The following CSMD3 variants were observed in gnomAD, a reference collection of about 807,000 sequenced individuals.
The protein encoded by CSMD3 is CUB and Sushi multiple domains 3, also known as CUB and sushi domain-containing protein 3.
A neutral mutation model predicts 435.2 loss-of-function variants in CSMD3; 177 were observed. The ratio of observed to expected loss-of-function variants is 0.41; its 90% CI spans 0.36 to 0.46. The LOEUF (loss-of-function observed/expected upper bound fraction) is 0.46. CSMD3 is among the 20% of genes least tolerant of loss of function. The pLI is 0.34. For synonymous variants in CSMD3, 1,656 were observed against 1,520.5 expected, an observed-to-expected ratio of 1.09 and a Z score of -2.07; for missense variants, 4,265 against 4,504.6, an observed-to-expected ratio of 0.95 and a Z score of 1.52.
chr8:112,418,943 T>A (rs1586261505), intron 32 of CSMD3, among the ~76,000 whole-genome samples: 1 of 152,170 alleles, frequency 6.6e-6, no homozygotes, highest in East Asian at 1.9e-4. Context: ...AAGAAGTATA[T>A]GAAACATAAA....
At chr8:113,162,583 A>AC (rs2092065340) in intron 4 of CSMD3, among the ~76,000 whole-genome samples, 1 of 151,756 alleles carries the variant, frequency 6.6e-6, no homozygotes, top group African/African-American at 2.4e-5. Context: ...AAAAAAAAAA[A>AC]AAAAAAAAAA....
intron 30 of CSMD3, among the ~76,000 whole-genome samples, chr8:112,499,486 T>C (rs1469994309): frequency 6.6e-6 from 1 of 152,066 alleles, no homozygotes; most frequent in Non-Finnish European, 1.5e-5. Context: ...ACTCATTAGA[T>C]GATACAAATT....
At position 112,859,913 on chromosome 8, in the gene CSMD3, G is replaced by T. The variant is rs895924209; in HGVS notation, c.1634-647C>A. Among the ~76,000 whole-genome samples, 4 of 151,702 alleles carry T rather than the reference G, an allele frequency of 2.6e-5. 1 individual carries two copies. The highest frequency in any genetic ancestry group is 6.6e-5 in the Admixed American group (1 of 15,206). ...GCTTCTTGATGACCACAAATTTCTGGATGCCACTGCTTTTGATTTGGATAT... is the reference window on the plus strand; with the variant it reads ...GCTTCTTGATGACCACAAATTTCTGTATGCCACTGCTTTTGATTTGGATAT... On this transcript the variant is annotated intron_variant, in intron 10 of 70. Coordinates refer to ENST00000297405, the MANE Select transcript of CSMD3 (RefSeq NM_198123.2).
intron 13 of CSMD3, among the ~76,000 whole-genome samples, chr8:112,765,721 T>C (rs1036150749): frequency 6.6e-6 from 1 of 151,778 alleles, no homozygotes; most frequent in Non-Finnish European, 1.5e-5. Flanking sequence ...CAATTTTTCA[T>C]TGGAAAACAT....
chr8:112,556,637 T>C (rs1412529414), intron 25 of CSMD3, 126 bp downstream of exon 25: 9 of 698,982 alleles, frequency 1.3e-5, no homozygotes, highest in South Asian at 3.6e-5. Flanking sequence ...ATTCAAGCTA[T>C]GAGTTCATTA....
chr8:112,813,912 G>C (rs950728768), intron 12 of CSMD3, among the ~76,000 whole-genome samples: 1 of 152,188 alleles, frequency 6.6e-6, no homozygotes, highest in Non-Finnish European at 1.5e-5. Flanking sequence ...GAAAGGCCAG[G>C]CTCCACCCCC....
At chr8:112,884,485 T>C (rs2081534687) in intron 10 of CSMD3, among the ~76,000 whole-genome samples, 1 of 151,798 alleles carries the variant, frequency 6.6e-6, no homozygotes, top group Non-Finnish European at 1.5e-5. Flanking sequence ...TATAGAGGGA[T>C]GTCTTGTGCA....
At position 113,260,143 on chromosome 8, in the gene CSMD3, C is replaced by T. The variant is rs748436377; in HGVS notation, c.514+18449G>A. On this transcript the variant is annotated intron_variant, in intron 3 of 70. Transcript: ENST00000297405. The stretch of plus-strand genomic sequence containing the variant: ...AACTGTGAGTCAACTAAACCTCTTT[C>T]CTTTATAAGTTACCCAGTCTCAGGT... 5.5e-4 allele frequency among the ~76,000 whole-genome samples: 84 copies of T among 152,236 alleles called. 1 individual carries two copies. Among genetic ancestry groups the T allele is most frequent in the Non-Finnish European group, 9.6e-4 (65 of 68,000 alleles).
At chr8:112,643,868 T>C (rs936714973) in intron 20 of CSMD3, among the ~76,000 whole-genome samples, 1 of 152,104 alleles carries the variant, frequency 6.6e-6, no homozygotes, top group Non-Finnish European at 1.5e-5. Flanking sequence ...TGATAAAATA[T>C]ATATGTAATT....
At chr8:112,927,037 C>A (rs1375758616) in intron 9 of CSMD3, among the ~76,000 whole-genome samples, 1 of 151,996 alleles carries the variant, frequency 6.6e-6, no homozygotes, top group Admixed American at 6.6e-5. Context: ...GCAAAAAAAT[C>A]AAAACACTAA....
At chr8:113,114,396 A>G (rs1433121701) in intron 4 of CSMD3, among the ~76,000 whole-genome samples, 1 of 152,200 alleles carries the variant, frequency 6.6e-6, no homozygotes, top group Non-Finnish European at 1.5e-5. Flanking sequence ...ATTTACTGTT[A>G]GGAAGAGATA....
At chr8:112,513,956 A>T (rs1199662490) in intron 28 of CSMD3, among the ~76,000 whole-genome samples, 1 of 152,150 alleles carries the variant, frequency 6.6e-6, no homozygotes, top group Non-Finnish European at 1.5e-5. Flanking sequence ...TTATATATGT[A>T]TATTCCTTAT....
intron 5 of CSMD3, among the ~76,000 whole-genome samples, chr8:113,084,638 AC>A (rs1292401647): frequency 1.3e-4 from 17 of 133,138 alleles, no homozygotes; most frequent in African/African-American, 4.6e-4. Flanking sequence ...AAAAAAAAAA[AC>A]CCATGAATAT....
At chr8:112,919,852 T>C (rs1373443587) in intron 10 of CSMD3, among the ~76,000 whole-genome samples, 1 of 151,866 alleles carries the variant, frequency 6.6e-6, no homozygotes, top group Non-Finnish European at 1.5e-5. Flanking sequence ...TGAGATACTG[T>C]ATGCTTCTTT....
chr8:112,635,705 A>T (rs2074637325), intron 22 of CSMD3, among the ~76,000 whole-genome samples: 1 of 152,056 alleles, frequency 6.6e-6, no homozygotes, highest in South Asian at 2.1e-4. Flanking sequence ...TCAGACCCAC[A>T]CTAACTTGGA....
chr8:112,281,385 A>T, intron 58 of CSMD3, 35 bp from the exon 59 acceptor site: 1 of 1,561,514 alleles, frequency 6.4e-7, no homozygotes, highest in Non-Finnish European at 8.8e-7. Flanking sequence ...ATATATAAAA[A>T]ATGCAATCAG....
chr8:112,415,962 G>A (rs1324724688), intron 32 of CSMD3, among the ~76,000 whole-genome samples: 1 of 152,158 alleles, frequency 6.6e-6, no homozygotes, highest in Non-Finnish European at 1.5e-5. Context: ...AGGCTTATAG[G>A]TAGAAGGGAC....
In CSMD3 at chr8:113,239,249, G is replaced by A. The variant is rs148466469; in HGVS notation, c.514+39343C>T. Among the ~76,000 whole-genome samples the A allele has an allele frequency of 3.0e-3, 459 of 152,052 alleles. 2 individuals are homozygous for A. Among genetic ancestry groups the A allele is most frequent in the African/African-American group, 9.4e-3 (388 of 41,476 alleles). On this transcript the variant is annotated intron_variant, in intron 3 of 70. Transcript: ENST00000297405. ...CTGGGTCTCCAGCTTGCCACCAACA[G>A]GTTGTGGGATTTGTTAGCCTCCATA...
At chr8:113,380,344 G>T (rs751811455) in intron 1 of CSMD3, among the ~76,000 whole-genome samples, 2 of 151,936 alleles carry the variant, frequency 1.3e-5, no homozygotes, top group African/African-American at 4.8e-5. Flanking sequence ...ACTAAGGTAT[G>T]AATAAAACAA....
Sources: gnomAD v4.1 joint callset for allele counts (sites outside exome capture counted in the v4.1 genomes callset) on GRCh38, gnomAD v4.1.1 for gene constraint, MANE v1.5 for transcripts, NCBI Gene and HGNC (gene_info 2026-07-23, HGNC 2026-07-21) for gene names.